FXN: variants seen among roughly 807,000 people sequenced by gnomAD.
FXN encodes frataxin.
FXN carries 14 observed loss-of-function variants against 22.4 expected under a neutral mutation model. The observed-to-expected ratio is 0.62, with a 90% CI of 0.41 to 0.98. FXN has a LOEUF of 0.98. Among genes scored for constraint, FXN ranks in the 50% least tolerant of loss-of-function variants. The pLI is 0.00. For synonymous variants in FXN, 120 were observed against 114.1 expected, an observed-to-expected ratio of 1.05 and a Z score of -0.33; for missense variants, 267 against 268.4, an observed-to-expected ratio of 0.99 and a Z score of 0.04.
rs142255029 is a variant in FXN at position 69,062,915 on chromosome 9, G to A, written c.385-2023G>A. ...AATTAAAAAAAAAAAAAATGGGGCC[G>A]AGTGCAGTAGCTCACACCTGTAACA... is the stretch of plus-strand genomic sequence containing the variant. On this transcript the variant is annotated intron_variant, in intron 3 of 4. Transcript: ENST00000484259. Among the ~76,000 whole-genome samples the A allele has an allele frequency of 5.3e-3, 802 of 151,866 alleles. 1 individual carries two copies. Among genetic ancestry groups the A allele is most frequent in the South Asian group, 9.0e-3 (43 of 4,784 alleles).
rs1218832000 is a variant in FXN, at chr9:69,046,333, G to A, written c.166-52G>A. The A allele has an allele frequency of 3.8e-6, 5 of 1,310,712 alleles. No individual in the cohort carries two copies. In the East Asian group the frequency reaches 1.2e-4, roughly 30 times the overall value. 81.2% of individuals were successfully genotyped at this position (1,310,712 alleles called of 1,614,324 possible). A position where few individuals can be genotyped will look rare whatever the true frequency, so the allele number is the denominator to read the frequency against. ...AGCAATATATAAATTATGCATTAAT[G>A]GGTTATAATTCACTGAAAAATAGTA... On this transcript the variant is annotated intron_variant, in intron 1 of 4. Transcript: ENST00000484259.
At position 69,035,753 on chromosome 9, in the gene FXN, G is replaced by A. The variant is rs920792689; in HGVS notation, c.-30G>A. 2.7e-6 allele frequency: 4 copies of A among 1,491,516 alleles called. No individual in the cohort carries two copies. In the African/African-American group the frequency reaches 5.8e-5, roughly 22 times the overall value. 92.4% of individuals were successfully genotyped at this position (1,491,516 alleles called of 1,614,324 possible). A position where few individuals can be genotyped will look rare whatever the true frequency, so the allele number is the denominator to read the frequency against. The stretch of plus-strand genomic sequence containing the variant: ...GGTCGCCGCAGCACCCAGCGCTGGA[G>A]GGCGGAGCGGGCGGCAGACCCGGAG... On this transcript the variant is annotated 5_prime_UTR_variant, in exon 1 of 5. Transcript: ENST00000484259.
intron 3 of FXN, among the ~76,000 whole-genome samples, chr9:69,056,946 T>C (rs776675663): frequency 2.1e-5 from 3 of 139,568 alleles, no homozygotes; most frequent in African/African-American, 4.9e-5. Flanking sequence ...GGTTTTGCCA[T>C]GTTGTCAGGC....
chr9:69,046,576 T>C (rs562008492), intron 2 of FXN, 94 bp downstream of exon 2: 1 of 809,370 alleles, frequency 1.2e-6, no homozygotes, highest in East Asian at 2.7e-5. Context: ...GCAGCAACAA[T>C]CTTAGGCATC....
rs1003173242 is a variant in FXN at position 69,078,012 on chromosome 9, A to G, written c.*5250A>G. 5 of 985,400 alleles carry G rather than the reference A, an allele frequency of 5.1e-6. No homozygotes were observed. The highest frequency in any genetic ancestry group is 1.7e-5 in the African/African-American group (1 of 57,380). The allele number at this position is 985,400 out of a possible 1,614,324, so 61.0% of individuals were successfully genotyped here. On this transcript the variant is annotated 3_prime_UTR_variant, in exon 5 of 5. Transcript: ENST00000484259. ...AAAAATAAGACAATATCATTTCCCAATTACATTCCTTTCCTACCGCACTCT... is the reference window on the plus strand; with the variant it reads ...AAAAATAAGACAATATCATTTCCCAGTTACATTCCTTTCCTACCGCACTCT...
chr9:69,047,843 G>C (rs1233968777), intron 2 of FXN, among the ~76,000 whole-genome samples: 5 of 152,090 alleles, frequency 3.3e-5, no homozygotes, highest in Admixed American at 3.3e-4. Flanking sequence ...TCAGCCTCCT[G>C]AGTAGCTGGG....
intron 3 of FXN, among the ~76,000 whole-genome samples, chr9:69,057,347 C>T (rs992653866): frequency 6.6e-6 from 1 of 152,196 alleles, no homozygotes; most frequent in African/African-American, 2.4e-5. Context: ...GTCAGAGAAC[C>T]TTCCTGATTC....
Position 69,073,916 on chromosome 9 carries a change from G to C in FXN, c.*1154G>C. 2 of 981,108 alleles carry C rather than the reference G, an allele frequency of 2.0e-6. No individual in the cohort carries two copies. The highest frequency in any genetic ancestry group is 2.4e-6 in the Non-Finnish European group (2 of 826,024). 60.8% of individuals were successfully genotyped at this position (981,108 alleles called of 1,614,324 possible). On this transcript the variant is annotated 3_prime_UTR_variant, in exon 5 of 5. Transcript: ENST00000484259. Reference sequence around the variant, plus strand: ...TAGCCATCCTTGGCCTGGCGCGGTGGCTCACACCTGTAATCCCAGCACTTT... The same window carrying C: ...TAGCCATCCTTGGCCTGGCGCGGTGCCTCACACCTGTAATCCCAGCACTTT...
chr9:69,048,015 GC>G (rs1485765431), intron 2 of FXN, among the ~76,000 whole-genome samples: 2 of 152,144 alleles, frequency 1.3e-5, no homozygotes, highest in Admixed American at 6.5e-5. Flanking sequence ...ACTGCGCCCA[GC>G]CCAGACTCAT....
At chr9:69,045,548 G>A (rs149474553) in intron 1 of FXN, among the ~76,000 whole-genome samples, 2,412 of 152,214 alleles carry the variant, frequency 0.016, 62 homozygotes, top group African/African-American at 0.054. Context: ...AGCCGAGATC[G>A]TGCCACTGCA....
In FXN at chr9:69,035,941, C is replaced by T. The variant is rs951113149; in HGVS notation, c.159C>T (p.Arg53=). 2.7e-6 allele frequency: 4 copies of T among 1,469,298 alleles called. No individual in the cohort carries two copies. In the African/African-American group the frequency reaches 4.4e-5, roughly 16 times the overall value. The allele number at this position is 1,469,298 out of a possible 1,614,324, so 91.0% of individuals were successfully genotyped here. ...ACATCGATGCGACCTGCACGCCCCG[C>T]CGCGCAGTAAGTATCCGCGCCGGGA... ...RTDIDATCTP[R]RASSNQRGLN... The change falls in exon 1 of 5, where the codon CGC becomes CGT. Residue 53 remains arginine, a synonymous_variant. Coordinates refer to ENST00000484259, the MANE Select transcript of FXN (RefSeq NM_000144.5).
In FXN at chr9:69,073,822, A is replaced by G. The variant is rs998423579; in HGVS notation, c.*1060A>G. ...GAGGGGATGACAAAGAACAGTTTTTAAGCTATATAGGAAACATTGTTATTG... is the reference window on the plus strand; with the variant it reads ...GAGGGGATGACAAAGAACAGTTTTTGAGCTATATAGGAAACATTGTTATTG... On this transcript the variant is annotated 3_prime_UTR_variant, in exon 5 of 5. Coordinates refer to ENST00000484259, the MANE Select transcript of FXN (RefSeq NM_000144.5). 2.0e-6 allele frequency: 2 copies of G among 985,228 alleles called. No homozygotes were observed. Among genetic ancestry groups the G allele is most frequent in the Admixed American group, 1.2e-4 (2 of 16,260 alleles). 61.0% of individuals were successfully genotyped at this position (985,228 alleles called of 1,614,324 possible). A position where few individuals can be genotyped will look rare whatever the true frequency, so the allele number is the denominator to read the frequency against.
chr9:69,065,485 G>C (rs907435879), intron 4 of FXN, among the ~76,000 whole-genome samples: 26 of 149,672 alleles, frequency 1.7e-4, no homozygotes, highest in Admixed American at 1.3e-4. Flanking sequence ...AGGTTGCAGT[G>C]AGCCAAGATC....
chr9:69,046,632 T>C, intron 2 of FXN, 150 bp downstream of exon 2: 1 of 688,036 alleles, frequency 1.5e-6, no homozygotes, highest in African/African-American at 1.8e-5. Flanking sequence ...AATGAAATAG[T>C]ATTAGATTGC....
chr9:69,051,395 T>TG (rs1831847714), intron 2 of FXN, among the ~76,000 whole-genome samples: 1 of 152,106 alleles, frequency 6.6e-6, no homozygotes, highest in Admixed American at 6.5e-5. Context: ...GGCCAGCTCT[T>TG]GATACGATCT....
chr9:69,077,381 G>T lies in FXN; in HGVS notation c.*4619G>T. The T allele has an allele frequency of 1.0e-6, 1 of 985,424 alleles. No homozygotes were observed. Among genetic ancestry groups the T allele is most frequent in the South Asian group, 4.7e-5 (1 of 21,288 alleles). 61.0% of individuals were successfully genotyped at this position (985,424 alleles called of 1,614,324 possible). On this transcript the variant is annotated 3_prime_UTR_variant, in exon 5 of 5. Coordinates refer to ENST00000484259, the MANE Select transcript of FXN (RefSeq NM_000144.5). ...CTCATATGTTCCATCTTCTCTGGCT[G>T]TATAGTTTAAGGAATGGAAGGCACC...
chr9:69,043,694 C>G (rs547893170), intron 1 of FXN: 1 of 152,414 alleles, frequency 6.6e-6, no homozygotes, highest in South Asian at 2.1e-4. Context: ...AGCAATTCTT[C>G]TGCCTCAGCC....
At chr9:69,066,889 G>A (rs1277359918) in intron 4 of FXN, among the ~76,000 whole-genome samples, 1 of 151,258 alleles carries the variant, frequency 6.6e-6, no homozygotes, top group Non-Finnish European at 1.5e-5. Context: ...TATATATGGG[G>A]GACGGGGCAG....
rs1002833087 is a variant in FXN, at chr9:69,077,613, A to G, written c.*4851A>G. ...TTCTGTGATCTGTGGGAACATTGTT[A>G]ACGCCACATCTTGACCTCAAATTGT... On this transcript the variant is annotated 3_prime_UTR_variant, in exon 5 of 5. Coordinates refer to ENST00000484259, the MANE Select transcript of FXN (RefSeq NM_000144.5). 8 of 985,308 alleles carry G rather than the reference A, an allele frequency of 8.1e-6. No individual in the cohort carries two copies. The African/African-American group carries it at 1.4e-4, about 17-fold the overall frequency. The allele number at this position is 985,308 out of a possible 1,614,324, so 61.0% of individuals were successfully genotyped here. A position where few individuals can be genotyped will look rare whatever the true frequency, so the allele number is the denominator to read the frequency against.
Sources: allele counts gnomAD v4.1 joint callset (sites outside exome capture counted in the v4.1 genomes callset), GRCh38; gene constraint gnomAD v4.1.1; transcripts MANE v1.5; gene names NCBI Gene and HGNC (gene_info 2026-07-23, HGNC 2026-07-21).